PPM1G: variants seen among roughly 807,000 people sequenced by gnomAD.
The protein encoded by PPM1G is protein phosphatase 1G.
Under a neutral mutation model 59.4 loss-of-function variants are expected in PPM1G, and 12 were observed. The ratio of observed to expected loss-of-function variants is 0.20; its 90% CI spans 0.13 to 0.33. The LOEUF is 0.33. PPM1G is among the 10% of genes least tolerant of loss of function. PPM1G has a pLI of 1.00. For missense variants in PPM1G, 392 were observed against 681.3 expected (o/e 0.58, Z 4.73); for synonymous variants, 245 against 251.9 (o/e 0.97, Z 0.26).
In PPM1G at chr2:27,384,977, C is replaced by T; in HGVS notation, c.521G>A (p.Gly174Glu). Residue 174 changes from glycine to glutamate, a missense_variant, in exon 5 of 10, where the codon GGA (glycine) becomes GAA (glutamate). By Grantham distance (98) the Gly-to-Glu change is moderately conservative. Transcript: ENST00000344034. This position sits in a 1 kb window ranked among gnomAD's most constrained non-coding sequence, Gnocchi z 4.8. ...CCCTGGTTCCTCGCCTGTCCCACCT[C>T]CAGATTTGCTGTGGGGAGGGCCCTT... ...CHKGPPHSKS[G>E]GGTGEEPGSQ... 1 of 1,614,220 alleles carries T rather than the reference C, an allele frequency of 6.2e-7. No individual in the cohort carries two copies. Among genetic ancestry groups the T allele is most frequent in the Non-Finnish European group, 8.5e-7 (1 of 1,180,040 alleles).
chr2:27,408,836 C>T (rs1326502096), intron 1 of PPM1G, among the ~76,000 whole-genome samples: 1 of 152,192 alleles, frequency 6.6e-6, no homozygotes, highest in African/African-American at 2.4e-5. Flanking sequence ...GTTCCTTTCA[C>T]TGTCAAACTC....
At position 27,382,182 on chromosome 2, in the gene PPM1G, T is replaced by G. The variant is rs559680086; in HGVS notation, c.1378A>C (p.Ile460Leu). 6.2e-7 allele frequency: 1 copy of G among 1,614,228 alleles called. No homozygotes were observed. Among genetic ancestry groups the G allele is most frequent in the East Asian group, 2.2e-5 (1 of 44,886 alleles). The part of the protein sequence containing the change: ...QEVVDFIQSK[I>L]SQRDENGELR... ...TCCCCATTTTCATCACGCTGGCTGA[T>G]CTTTGATTGAATGAAATCTACAACT... Residue 460 changes from isoleucine to leucine, a missense_variant, in exon 9 of 10, where the codon ATC (isoleucine) becomes CTC (leucine). Physicochemically the swap from Ile to Leu is conservative, Grantham distance 5 (BLOSUM62 2). Around this residue, in one of 6 missense-constraint regions of PPM1G, gnomAD observed 29 missense variants for 38.9 expected, o/e 0.75. Coordinates refer to ENST00000344034, the MANE Select transcript of PPM1G (RefSeq NM_177983.3). This position sits in a 1 kb window ranked among gnomAD's most constrained non-coding sequence, Gnocchi z 4.2.
intron 1 of PPM1G, among the ~76,000 whole-genome samples, chr2:27,408,013 T>A (rs1663421472): frequency 1.3e-5 from 2 of 151,676 alleles, no homozygotes; most frequent in African/African-American, 4.8e-5. Flanking sequence ...CGCCATTGCA[T>A]TCCAGCCTGG....
rs765658451 is a variant in PPM1G, at chr2:27,385,135, G to A, written c.410-47C>T. ...AGAGCCCCCATGCCAGACTCCTCAT[G>A]GGATCCGTCCCTCTCACTACCTCAA... On this transcript the variant is annotated intron_variant, in intron 4 of 9. Coordinates refer to ENST00000344034, the MANE Select transcript of PPM1G (RefSeq NM_177983.3). This position sits in a 1 kb window ranked among gnomAD's most constrained non-coding sequence, Gnocchi z 4.1. 1 of 1,526,276 alleles carries A rather than the reference G, an allele frequency of 6.6e-7. No homozygotes were observed. The highest frequency in any genetic ancestry group is 8.8e-7 in the Non-Finnish European group (1 of 1,142,782). 94.5% of individuals were successfully genotyped at this position (1,526,276 alleles called of 1,614,324 possible). A position where few individuals can be genotyped will look rare whatever the true frequency, so the allele number is the denominator to read the frequency against.
intron 1 of PPM1G, among the ~76,000 whole-genome samples, chr2:27,393,705 C>G (rs1308505709): frequency 6.6e-6 from 1 of 152,110 alleles, no homozygotes; most frequent in Non-Finnish European, 1.5e-5. Context: ...CTGCCTCAGC[C>G]TCCCGAGTAG....
chr2:27,387,988 CG>C (rs1330588293), intron 1 of PPM1G, among the ~76,000 whole-genome samples: 8 of 151,412 alleles, frequency 5.3e-5, no homozygotes, highest in Non-Finnish European at 1.0e-4. Flanking sequence ...TTAGTAGAGA[CG>C]GGGTTTCACC....
Position 27,383,220 on chromosome 2 carries a change from T to TTC in PPM1G, c.1201+145_1201+146insGA. On this transcript the variant is annotated intron_variant, in intron 7 of 9. Coordinates refer to ENST00000344034, the MANE Select transcript of PPM1G (RefSeq NM_177983.3). The surrounding 1 kb of genome is among the most constrained non-coding windows in gnomAD (Gnocchi z 5.0). ...ATAATGATACCTCTACCCATCTTAGTTATTTCACAGAAATATAAGAACAGA... is the reference window on the plus strand; with the variant it reads ...ATAATGATACCTCTACCCATCTTAGTTCTATTTCACAGAAATATAAGAACAGA... The TTC allele has an allele frequency of 3.0e-6, 2 of 664,804 alleles. No homozygotes were observed. Among genetic ancestry groups the TTC allele is most frequent in the Non-Finnish European group, 5.2e-6 (2 of 382,714 alleles). The allele number at this position is 664,804 out of a possible 1,614,324, so 41.2% of individuals were successfully genotyped here. A position where few individuals can be genotyped will look rare whatever the true frequency, so the allele number is the denominator to read the frequency against.
At chr2:27,400,118 C>A (rs368623773) in intron 1 of PPM1G, among the ~76,000 whole-genome samples, 2 of 152,134 alleles carry the variant, frequency 1.3e-5, no homozygotes, top group East Asian at 3.9e-4. Context: ...TACGCTTGGC[C>A]GGGCGTGGTG....
chr2:27,407,987 C>T (rs1024314015), intron 1 of PPM1G, among the ~76,000 whole-genome samples: 1 of 151,278 alleles, frequency 6.6e-6, no homozygotes. Flanking sequence ...GCGGAGGTTG[C>T]GGTGAGCCGA....
In PPM1G at chr2:27,385,544, T is replaced by C; in HGVS notation, c.409+203A>G. On this transcript the variant is annotated intron_variant, in intron 4 of 9. Coordinates refer to ENST00000344034, the MANE Select transcript of PPM1G (RefSeq NM_177983.3). This position sits in a 1 kb window ranked among gnomAD's most constrained non-coding sequence, Gnocchi z 4.1. ...CAAAAGATAATGTATATACAATGCT[T>C]ACAGCTCAGATGCCACTCAACGAAG... 2 of 628,440 alleles carry C rather than the reference T, an allele frequency of 3.2e-6. No individual in the cohort carries two copies. The highest frequency in any genetic ancestry group is 5.3e-6 in the Non-Finnish European group (2 of 380,188). The allele number at this position is 628,440 out of a possible 1,614,324, so 38.9% of individuals were successfully genotyped here.
At chr2:27,386,915 A>G (rs2148419331) in intron 2 of PPM1G, 174 bp downstream of exon 2, 3 of 559,452 alleles carry the variant, frequency 5.4e-6, no homozygotes, top group East Asian at 3.0e-5. Context: ...ATTATAAACC[A>G]ATACAGTACC....
chr2:27,397,941 A>G lies in PPM1G; in HGVS notation c.121-10783T>C, dbSNP rs191601953. Among the ~76,000 whole-genome samples the G allele has an allele frequency of 3.3e-5, 5 of 152,286 alleles. No homozygotes were observed. In the East Asian group the frequency reaches 9.6e-4, roughly 29 times the overall value. ...TTCCTAAACCTGATAGAGTACATCT[A>G]TGAAAAACTCAGTCAGCCAGGCACG... On this transcript the variant is annotated intron_variant, in intron 1 of 9. Transcript: ENST00000344034.
At chr2:27,386,538 A>T (rs1363031062) in intron 2 of PPM1G, 1 of 275,516 alleles carries the variant, frequency 3.6e-6, no homozygotes, top group Non-Finnish European at 7.1e-6. Context: ...AAAGATAAAG[A>T]ATCAGCTCAA....
intron 1 of PPM1G, among the ~76,000 whole-genome samples, chr2:27,387,838 G>A (rs964232746): frequency 1.3e-5 from 2 of 151,680 alleles, no homozygotes; most frequent in African/African-American, 2.4e-5. Context: ...TCGCTCTGTC[G>A]CCCAGCCTGG....
At chr2:27,388,758 C>T (rs1683827662) in intron 1 of PPM1G, among the ~76,000 whole-genome samples, 1 of 151,690 alleles carries the variant, frequency 6.6e-6, no homozygotes, top group Admixed American at 6.6e-5. Flanking sequence ...GCCTGTAGTC[C>T]CAGCTACTTG....
chr2:27,388,310 G>A (rs954394232), intron 1 of PPM1G, among the ~76,000 whole-genome samples: 3 of 151,866 alleles, frequency 2.0e-5, no homozygotes, highest in Admixed American at 6.6e-5. Context: ...TCGGAAGGGT[G>A]AGGCAGGAGA....
rs746496142 is a variant in PPM1G at position 27,386,287 on chromosome 2, G to A, written c.191-8C>T. On this transcript the variant is annotated splice_polypyrimidine_tract_variant and splice_region_variant and intron_variant, in intron 2 of 9. Transcript: ENST00000344034. ...ACAAGGCAACTTCCTCCCCTAGAAGGAAAGGAAGGAAGGTCACCTGGAGCA... is the reference window on the plus strand; with the variant it reads ...ACAAGGCAACTTCCTCCCCTAGAAGAAAAGGAAGGAAGGTCACCTGGAGCA... 1 of 1,597,474 alleles carries A rather than the reference G, an allele frequency of 6.3e-7. No individual in the cohort carries two copies. The highest frequency in any genetic ancestry group is 2.2e-5 in the East Asian group (1 of 44,742).
In PPM1G at chr2:27,385,410, A is replaced by G. The variant is rs1683740089; in HGVS notation, c.410-322T>C. ...GAAGCCCACAATGCTACTGTGAATT[A>G]GGATTTAGGCTTAATGATTGGCTAT... On this transcript the variant is annotated intron_variant, in intron 4 of 9. Transcript: ENST00000344034. The surrounding 1 kb of genome is among the most constrained non-coding windows in gnomAD (Gnocchi z 4.1). 9.5e-6 allele frequency: 4 copies of G among 422,478 alleles called. No homozygotes were observed. The East Asian group carries it at 1.6e-4, about 17-fold the overall frequency. 26.2% of individuals were successfully genotyped at this position (422,478 alleles called of 1,614,324 possible).
rs746478590 is a variant in PPM1G at position 27,381,779 on chromosome 2, G to A, written c.1461C>T (p.Asp487=). 1.9e-5 allele frequency: 30 copies of A among 1,612,972 alleles called. No individual in the cohort carries two copies. The highest frequency in any genetic ancestry group is 2.5e-5 in the Non-Finnish European group (30 of 1,180,002). The change falls in exon 10 of 10, where the codon GAC becomes GAT. Residue 487 remains aspartate, a synonymous_variant. Coordinates refer to ENST00000344034, the MANE Select transcript of PPM1G (RefSeq NM_177983.3). ...CACACCCTGTACCATCCCCAGAAGT[G>A]TCTGGTGCCAGGCACTGATCCAGCA... is the stretch of plus-strand genomic sequence containing the variant. The part of the protein sequence containing the change: ...EELLDQCLAP[D]TSGDGTGCDN...
Sources: gnomAD v4.1 joint callset for allele counts (sites outside exome capture counted in the v4.1 genomes callset) on GRCh38, gnomAD v4.1.1 for gene constraint, gnomAD v4.1.1 regional missense constraint, Gnocchi (gnomAD v3.1) non-coding constraint, MANE v1.5 for transcripts, NCBI Gene and HGNC (gene_info 2026-07-23, HGNC 2026-07-21) for gene names.